Variants in NR1I3 observed in about 807,000 individuals in gnomAD.
NR1I3 encodes the protein nuclear receptor subfamily 1 group I member 3, also known as constitutive activator of retinoid response.
In NR1I3, 30 loss-of-function variants were observed where a neutral mutation model predicts 38.4. That is an observed-to-expected ratio of 0.78 (90% CI 0.58 to 1.06). The LOEUF is 1.06. NR1I3 is among the 50% of genes least tolerant of loss of function. The probability of loss-of-function intolerance (pLI) is 0.00; values close to 1 mark genes in which losing one functional copy is unlikely to be tolerated. For missense variants in NR1I3, 388 were observed against 435.7 expected (o/e 0.89, Z 0.97); for synonymous variants, 143 against 165.1 (o/e 0.87, Z 1.03).
chr1:161,232,758 C>T, intron 5 of NR1I3, 49 bp downstream of exon 5: 1 of 1,593,404 alleles, frequency 6.3e-7, no homozygotes, highest in Non-Finnish European at 8.6e-7. Flanking sequence ...GGTGGATATA[C>T]AATTTACTGA....
At position 161,233,186 on chromosome 1, in the gene NR1I3, G is replaced by C; in HGVS notation, c.391C>G (p.Gln131Glu). The C allele has an allele frequency of 6.2e-7, 1 of 1,614,192 alleles. No homozygotes were observed. Among genetic ancestry groups the C allele is most frequent in the African/African-American group, 1.3e-5 (1 of 75,052 alleles). The part of the protein sequence containing the change: ...HTRHMGTMFE[Q>E]FVQFRPPAHL... ...GTGCTCACCCTAAACTGCACAAACT[G>C]TTCAAACATGGTGCCCATGTGGCGG... Residue 131 changes from glutamine (Q) to glutamate (E), a missense_variant, in exon 4 of 9, where the codon CAG becomes GAG. Physicochemically the swap from Gln to Glu is conservative, Grantham distance 29. Transcript: ENST00000367983.
intron 7 of NR1I3, 60 bp from the exon 8 acceptor site, chr1:161,230,978 C>T: frequency 6.2e-7 from 1 of 1,612,708 alleles, no homozygotes; most frequent in Non-Finnish European, 8.5e-7. Context: ...TGCGTGGTGC[C>T]CCGGGGACTG....
chr1:161,230,786 C>G (rs764229957), intron 8 of NR1I3, 27 bp downstream of exon 8: 62 of 1,613,714 alleles, frequency 3.8e-5, no homozygotes, highest in Non-Finnish European at 5.1e-5. Context: ...CTGGTGTGGC[C>G]TCCAAGCCCT....
chr1:161,233,903 A>G (rs1667989469), intron 3 of NR1I3, among the ~76,000 whole-genome samples: 1 of 147,666 alleles, frequency 6.8e-6, no homozygotes, highest in African/African-American at 2.5e-5. Flanking sequence ...GTGTGTGTAT[A>G]TATATGTGTA....
chr1:161,229,944 G>C lies in NR1I3; in HGVS notation c.918-18C>G, dbSNP rs376037614. ...ACAGAAACCTTTGGAGGAAGTAGTGGGGTTGCCAGGAAAACAGGAGGGAAA... is the reference window on the plus strand; with the variant it reads ...ACAGAAACCTTTGGAGGAAGTAGTGCGGTTGCCAGGAAAACAGGAGGGAAA... On this transcript the variant is annotated intron_variant, in intron 8 of 8. Transcript: ENST00000367983. The C allele has an allele frequency of 3.1e-6, 5 of 1,613,798 alleles. No homozygotes were observed. In the African/African-American group the frequency reaches 6.7e-5, roughly 22 times the overall value.
intron 3 of NR1I3, among the ~76,000 whole-genome samples, chr1:161,233,921 ATATATATGTGTATACATG>A (rs1176489733): frequency 1.5e-5 from 2 of 133,676 alleles, no homozygotes; most frequent in Non-Finnish European, 3.2e-5. Flanking sequence ...GTATATATGT[ATATATATGTGTATACATG>A]TATATATGTG....
chr1:161,231,233 A>C lies in NR1I3; in HGVS notation c.695T>G (p.Val232Gly). The change falls in exon 7 of 9, where the codon GTG (valine) becomes GGG (glycine). Residue 232 changes from valine (V) to glycine (G), a missense_variant and splice_region_variant. Transcript: ENST00000367983. ...LRYTIEDGARVGFQVEFLELL... is the reference protein window; with the variant it reads ...LRYTIEDGARGGFQVEFLELL... ...CTCCAAAAACTCTACCTGGAACCCC[A>C]CTGTGGGAGATACTAGGATTAGGAG... is the stretch of plus-strand genomic sequence containing the variant. 14 of 1,614,122 alleles carry C rather than the reference A, an allele frequency of 8.7e-6. No homozygotes were observed. Among genetic ancestry groups the C allele is most frequent in the Non-Finnish European group, 1.2e-5 (14 of 1,180,022 alleles).
chr1:161,237,789 T>A (rs1182421965), intron 1 of NR1I3, among the ~76,000 whole-genome samples: 1 of 152,076 alleles, frequency 6.6e-6, no homozygotes, highest in Admixed American at 6.6e-5. Context: ...AAGTGATCAA[T>A]CCTCCCACCT....
Position 161,238,133 on chromosome 1 carries a change from T to G in NR1I3, c.-126A>C. The G allele has an allele frequency of 5.6e-6, 9 of 1,604,852 alleles. No individual in the cohort carries two copies. The South Asian group carries it at 9.9e-5, about 18-fold the overall frequency. ...TCCCACGCTGTTGCTGGTTTTCCTC[T>G]GATCTCAGGAGTTGCCAGTGATTGG... On this transcript the variant is annotated 5_prime_UTR_variant, in exon 1 of 9. Coordinates refer to ENST00000367983, the MANE Select transcript of NR1I3 (RefSeq NM_005122.5).
rs983350103 is a variant in NR1I3, at chr1:161,236,380, G to C, written c.107+79C>G. 1.9e-6 allele frequency: 3 copies of C among 1,547,840 alleles called. No homozygotes were observed. The African/African-American group carries it at 4.1e-5, about 21-fold the overall frequency. ...GGAGTAATGTAGCTGGACAGGCTTG[G>C]GCACCAGCGAGGGTGTAAAGGCTGA... On this transcript the variant is annotated intron_variant, in intron 2 of 8. Coordinates refer to ENST00000367983, the MANE Select transcript of NR1I3 (RefSeq NM_005122.5).
At chr1:161,233,971 G>GTA (rs1453938666) in intron 3 of NR1I3, among the ~76,000 whole-genome samples, 18 of 148,258 alleles carry the variant, frequency 1.2e-4, no homozygotes, top group African/African-American at 3.2e-4. Context: ...ATATATATGT[G>GTA]TATATATATA....
rs1290144529 is a variant in NR1I3 at position 161,233,833 on chromosome 1, ATATATGTGTG to A, written c.239-505_239-496del. Reference sequence around the variant, plus strand: ...TAGGCAGGGCTGGTATTCATCATATATATATGTGTGTGTGTGTGTGTGTGTGTGTGTGTGT... The same window carrying A: ...TAGGCAGGGCTGGTATTCATCATATATGTGTGTGTGTGTGTGTGTGTGTGT... On this transcript the variant is annotated intron_variant, in intron 3 of 8. Transcript: ENST00000367983. Among the ~76,000 whole-genome samples the A allele has an allele frequency of 8.1e-5, 9 of 110,642 alleles. 1 individual carries two copies. Among genetic ancestry groups the A allele is most frequent in the African/African-American group, 1.5e-4 (4 of 27,442 alleles). The allele number at this position is 110,642 out of a possible 152,430, so 72.6% of individuals were successfully genotyped here. A position where few individuals can be genotyped will look rare whatever the true frequency, so the allele number is the denominator to read the frequency against.
chr1:161,232,841 C>T lies in NR1I3; in HGVS notation c.514G>A (p.Val172Ile), dbSNP rs751634864. ...GGCAGGTCCTTAGTAAACTTGATGACTTGCAGTACCATGAAAGTGTTGATG... is the reference window on the plus strand; with the variant it reads ...GGCAGGTCCTTAGTAAACTTGATGATTTGCAGTACCATGAAAGTGTTGATG... ...ADINTFMVLQ[V>I]IKFTKDLPVF... The change falls in exon 5 of 9, where the codon GTC becomes ATC. Residue 172 changes from valine (V) to isoleucine (I), a missense_variant. Coordinates refer to ENST00000367983, the MANE Select transcript of NR1I3 (RefSeq NM_005122.5). 4 of 1,614,234 alleles carry T rather than the reference C, an allele frequency of 2.5e-6. No homozygotes were observed. Among genetic ancestry groups the T allele is most frequent in the South Asian group, 1.1e-5 (1 of 91,084 alleles).
At chr1:161,237,975 T>G in intron 1 of NR1I3, 66 bp downstream of exon 1, 1 of 1,490,426 alleles carries the variant, frequency 6.7e-7, no homozygotes. Context: ...TGAGCCACTA[T>G]GCCTAGCCCC....
chr1:161,234,360 A>C (rs975001899), intron 3 of NR1I3, among the ~76,000 whole-genome samples: 2 of 152,136 alleles, frequency 1.3e-5, no homozygotes, highest in Non-Finnish European at 2.9e-5. Context: ...AACCAAGGTC[A>C]CAAAATAAGT....
intron 1 of NR1I3, 125 bp from the exon 2 acceptor site, chr1:161,236,723 G>T: frequency 5.8e-6 from 3 of 516,860 alleles, no homozygotes; most frequent in Non-Finnish European, 8.4e-6. Flanking sequence ...GTTATCTTTT[G>T]TGGTTTTCTT....
chr1:161,231,219 C>G lies in NR1I3; in HGVS notation c.709G>C (p.Glu237Gln). The change falls in exon 7 of 9, where the codon GAG (glutamate) becomes CAG (glutamine). Residue 237 changes from glutamate (E) to glutamine (Q), a missense_variant. Coordinates refer to ENST00000367983, the MANE Select transcript of NR1I3 (RefSeq NM_005122.5). ...EDGARVGFQV[E>Q]FLELLFHFHG... The stretch of plus-strand genomic sequence containing the variant: ...AAGTGAAAGAGCAACTCCAAAAACT[C>G]TACCTGGAACCCCACTGTGGGAGAT... The G allele has an allele frequency of 6.2e-7, 1 of 1,614,126 alleles. No individual in the cohort carries two copies. The highest frequency in any genetic ancestry group is 1.1e-5 in the South Asian group (1 of 91,078).
chr1:161,234,376 A>G (rs1668146813), intron 3 of NR1I3, among the ~76,000 whole-genome samples: 1 of 152,180 alleles, frequency 6.6e-6, no homozygotes, highest in South Asian at 2.1e-4. Flanking sequence ...TAAGTAATAT[A>G]GATTGAATTC....
chr1:161,236,664 G>A (rs528845745), intron 1 of NR1I3, 66 bp from the exon 2 acceptor site: 1 of 1,525,694 alleles, frequency 6.6e-7, no homozygotes, highest in Non-Finnish European at 8.8e-7. Flanking sequence ...CCCTTCTAGA[G>A]AGTCTCTTTC....
Sources: gnomAD v4.1 joint callset for allele counts (sites outside exome capture counted in the v4.1 genomes callset) on GRCh38, gnomAD v4.1.1 for gene constraint, MANE v1.5 for transcripts, NCBI Gene and HGNC (gene_info 2026-07-23, HGNC 2026-07-21) for gene names.